Variants in DOK6 observed in about 807,000 individuals in gnomAD.
DOK6 encodes the protein downstream of tyrosine kinase 6.
In DOK6, 22 loss-of-function variants were observed where a neutral mutation model predicts 44.0. The ratio of observed to expected loss-of-function variants is 0.50; its 90% CI spans 0.36 to 0.71. The LOEUF (loss-of-function observed/expected upper bound fraction) is 0.71, where lower values mean the gene tolerates loss of function less well. DOK6 is among the 30% of genes least tolerant of loss of function. The probability of loss-of-function intolerance (pLI) is 0.00; values close to 1 mark genes in which losing one functional copy is unlikely to be tolerated. For synonymous variants in DOK6, 166 were observed against 145.5 expected (o/e 1.14, Z -1.01); for missense variants, 340 against 416.4 (o/e 0.82, Z 1.60).
In DOK6 at chr18:69,401,160, G is replaced by T; in HGVS notation, c.-85G>T. 2.2e-6 allele frequency: 3 copies of T among 1,356,040 alleles called. No homozygotes were observed. Among genetic ancestry groups the T allele is most frequent in the Non-Finnish European group, 2.9e-6 (3 of 1,040,262 alleles). 84.0% of individuals were successfully genotyped at this position (1,356,040 alleles called of 1,614,324 possible). On this transcript the variant is annotated 5_prime_UTR_variant, in exon 1 of 8. Coordinates refer to ENST00000382713, the MANE Select transcript of DOK6 (RefSeq NM_152721.6). ...CTGCTGGCGGCGGCCGGCTGGATGC[G>T]AGACCCGCGCAGACCCGGCGGCGGA...
chr18:69,606,107 A>T (rs968266314), intron 3 of DOK6, among the ~76,000 whole-genome samples: 6 of 151,896 alleles, frequency 4.0e-5, no homozygotes, highest in Admixed American at 1.3e-4. Flanking sequence ...CCCTGTCTCT[A>T]CTAAAATACA....
At chr18:69,519,220 A>G (rs977505539) in intron 1 of DOK6, among the ~76,000 whole-genome samples, 8 of 152,068 alleles carry the variant, frequency 5.3e-5, no homozygotes, top group African/African-American at 1.9e-4. Context: ...AGAATAGAAA[A>G]TTGTTTTGAA....
chr18:69,498,824 C>G (rs1980969555), intron 1 of DOK6, among the ~76,000 whole-genome samples: 1 of 152,190 alleles, frequency 6.6e-6, no homozygotes, highest in African/African-American at 2.4e-5. Flanking sequence ...GTGCCTGGCA[C>G]ATAGTAGCTG....
intron 3 of DOK6, among the ~76,000 whole-genome samples, chr18:69,635,900 G>A (rs1326878900): frequency 6.6e-6 from 1 of 152,190 alleles, no homozygotes; most frequent in African/African-American, 2.4e-5. Context: ...TTACTTAGAA[G>A]GTTGCCCGTT....
At chr18:69,557,384 C>T (rs1436407925) in intron 1 of DOK6, among the ~76,000 whole-genome samples, 4 of 152,140 alleles carry the variant, frequency 2.6e-5, no homozygotes, top group South Asian at 2.1e-4. Context: ...AACGTAATTA[C>T]GGCTATGAAC....
Position 69,847,816 on chromosome 18 carries a change from C to A in DOK6, c.*6433C>A, listed in dbSNP as rs1249090881. 1 of 151,654 alleles carries A rather than the reference C, an allele frequency of 6.6e-6. No individual in the cohort carries two copies. Among genetic ancestry groups the A allele is most frequent in the Non-Finnish European group, 1.5e-5 (1 of 67,960 alleles). 9.4% of individuals were successfully genotyped at this position (151,654 alleles called of 1,614,324 possible). ...AGCAGGTAGAGTGTGGGAGCTCCAACTTTGTTGTGAAAGCTGATAACAGAG... is the reference window on the plus strand; with the variant it reads ...AGCAGGTAGAGTGTGGGAGCTCCAAATTTGTTGTGAAAGCTGATAACAGAG... On this transcript the variant is annotated 3_prime_UTR_variant, in exon 8 of 8. Coordinates refer to ENST00000382713, the MANE Select transcript of DOK6 (RefSeq NM_152721.6).
intron 3 of DOK6, among the ~76,000 whole-genome samples, chr18:69,634,263 T>C (rs1984753972): frequency 6.6e-6 from 1 of 152,304 alleles, no homozygotes; most frequent in Middle Eastern, 3.4e-3. Context: ...TTCACTTACA[T>C]ATCATGAAGG....
intron 3 of DOK6, among the ~76,000 whole-genome samples, chr18:69,599,699 G>A (rs1274670389): frequency 6.6e-6 from 1 of 152,172 alleles, no homozygotes; most frequent in Non-Finnish European, 1.5e-5. Context: ...TCTGGATTTG[G>A]CTCCCAGGTG....
intron 3 of DOK6, among the ~76,000 whole-genome samples, chr18:69,644,829 G>A (rs77108552): frequency 0.046 from 6,984 of 152,274 alleles, 210 homozygotes; most frequent in Non-Finnish European, 0.062. Flanking sequence ...TTATGAAAGA[G>A]TAACAGGTGG....
intron 1 of DOK6, among the ~76,000 whole-genome samples, chr18:69,531,374 G>A (rs969160216): frequency 6.6e-6 from 1 of 150,726 alleles, no homozygotes; most frequent in Non-Finnish European, 1.5e-5. Flanking sequence ...CAATTTGCTG[G>A]ACAGAATGCA....
chr18:69,506,774 G>T (rs1981199556), intron 1 of DOK6, among the ~76,000 whole-genome samples: 1 of 151,792 alleles, frequency 6.6e-6, no homozygotes, highest in Admixed American at 6.6e-5. Context: ...GGGTTGCCGG[G>T]TTGTATGGTG....
intron 3 of DOK6, among the ~76,000 whole-genome samples, chr18:69,603,424 A>C (rs1983918169): frequency 6.6e-6 from 1 of 152,188 alleles, no homozygotes; most frequent in African/African-American, 2.4e-5. Flanking sequence ...GAATCTGCTC[A>C]TCACAGTTAT....
chr18:69,505,027 T>G (rs372950685), intron 1 of DOK6, among the ~76,000 whole-genome samples: 1 of 152,244 alleles, frequency 6.6e-6, no homozygotes, highest in East Asian at 1.9e-4. Flanking sequence ...TTTATCCATA[T>G]AACTGTTTGT....
chr18:69,664,924 A>G (rs1050653171), intron 3 of DOK6, among the ~76,000 whole-genome samples: 1 of 152,178 alleles, frequency 6.6e-6, no homozygotes, highest in African/African-American at 2.4e-5. Context: ...CACGCCTGTA[A>G]TCCCAGCACT....
intron 5 of DOK6, among the ~76,000 whole-genome samples, chr18:69,722,310 G>A (rs1978290045): frequency 1.3e-5 from 2 of 152,098 alleles, no homozygotes; most frequent in Non-Finnish European, 2.9e-5. Flanking sequence ...GAGTGCTTTC[G>A]AACAGCCTAG....
chr18:69,557,489 A>G (rs1982716971), intron 1 of DOK6, among the ~76,000 whole-genome samples: 1 of 152,182 alleles, frequency 6.6e-6, no homozygotes. Flanking sequence ...AGAAAGAACT[A>G]AGGAAAAGAG....
At chr18:69,673,320 G>A (rs1165030036) in intron 3 of DOK6, among the ~76,000 whole-genome samples, 1 of 151,744 alleles carries the variant, frequency 6.6e-6, no homozygotes, top group Non-Finnish European at 1.5e-5. Context: ...TTATCTTAAG[G>A]GCTAAATTTA....
intron 7 of DOK6, among the ~76,000 whole-genome samples, chr18:69,796,113 T>C (rs1568128652): frequency 6.6e-6 from 1 of 152,144 alleles, no homozygotes; most frequent in African/African-American, 2.4e-5. Context: ...ATTACTGGAT[T>C]AGGCAGAGAC....
At chr18:69,584,433 C>T (rs1376367515) in intron 2 of DOK6, among the ~76,000 whole-genome samples, 1 of 152,008 alleles carries the variant, frequency 6.6e-6, no homozygotes, top group Non-Finnish European at 1.5e-5. Context: ...GCTGAGATTA[C>T]AGCTGTGGCC....
Sources: allele counts gnomAD v4.1 joint callset (sites outside exome capture counted in the v4.1 genomes callset), GRCh38; gene constraint gnomAD v4.1.1; transcripts MANE v1.5; gene names NCBI Gene and HGNC (gene_info 2026-07-23, HGNC 2026-07-21).